Variants in USP31 observed in about 807,000 individuals in gnomAD.
The protein encoded by USP31 is ubiquitin carboxyl-terminal hydrolase 31.
A neutral mutation model predicts 119.4 loss-of-function variants in USP31; 44 were observed. That is an observed-to-expected ratio of 0.37 (90% CI 0.29 to 0.47). USP31 has a LOEUF of 0.47. Among genes scored for constraint, USP31 ranks in the 20% least tolerant of loss-of-function variants. The pLI is 0.99. For missense variants in USP31, 1,643 were observed against 1,730.2 expected, an observed-to-expected ratio of 0.95 and a Z score of 0.89; for synonymous variants, 749 against 705.6, an observed-to-expected ratio of 1.06 and a Z score of -0.97.
intron 1 of USP31, among the ~76,000 whole-genome samples, chr16:23,137,424 A>G (rs1903226508): frequency 6.6e-6 from 1 of 152,180 alleles, no homozygotes; most frequent in Admixed American, 6.5e-5. Flanking sequence ...TGATCTGAAA[A>G]AAGTGAAAAC....
At chr16:23,081,593 T>C (rs1030753131) in intron 12 of USP31, among the ~76,000 whole-genome samples, 1 of 152,226 alleles carries the variant, frequency 6.6e-6, no homozygotes, top group Non-Finnish European at 1.5e-5. Context: ...CTACACAATA[T>C]CCAGAATAAT....
intron 5 of USP31, among the ~76,000 whole-genome samples, chr16:23,102,878 G>A (rs983253536): frequency 1.3e-5 from 2 of 152,142 alleles, no homozygotes; most frequent in African/African-American, 4.8e-5. Context: ...TATATTGGAA[G>A]TACAATTATT....
chr16:23,094,212 T>G (rs1180598935), intron 6 of USP31, among the ~76,000 whole-genome samples: 1 of 152,054 alleles, frequency 6.6e-6, no homozygotes, highest in Non-Finnish European at 1.5e-5. Context: ...CCTGGCTCGG[T>G]GGGTCCCATG....
intron 1 of USP31, among the ~76,000 whole-genome samples, chr16:23,118,693 C>A (rs1200641353): frequency 6.6e-6 from 1 of 152,170 alleles, no homozygotes; most frequent in East Asian, 1.9e-4. Context: ...ATATTACTTC[C>A]CCAATACCTA....
chr16:23,081,264 G>C (rs1160044362), intron 12 of USP31, among the ~76,000 whole-genome samples: 1 of 152,170 alleles, frequency 6.6e-6, no homozygotes, highest in Non-Finnish European at 1.5e-5. Flanking sequence ...CTCTGTGTCT[G>C]GGGAAGGAGA....
intron 15 of USP31, among the ~76,000 whole-genome samples, chr16:23,071,658 G>A (rs1325503420): frequency 6.6e-6 from 1 of 151,610 alleles, no homozygotes; most frequent in East Asian, 1.9e-4. Context: ...TCCATGCCAA[G>A]CCTGGAGCCG....
chr16:23,089,572 C>T (rs1901260799), intron 7 of USP31, among the ~76,000 whole-genome samples: 1 of 152,256 alleles, frequency 6.6e-6, no homozygotes, highest in Non-Finnish European at 1.5e-5. Flanking sequence ...ATGTTATTTA[C>T]TATGCAGGGA....
At chr16:23,076,470 A>G (rs1174785298) in intron 13 of USP31, among the ~76,000 whole-genome samples, 2 of 152,134 alleles carry the variant, frequency 1.3e-5, no homozygotes, top group Non-Finnish European at 2.9e-5. Context: ...ATCCTGGGTA[A>G]TGGGTTCCTT....
chr16:23,097,870 T>C (rs2141862170), intron 6 of USP31, among the ~76,000 whole-genome samples: 2 of 152,326 alleles, frequency 1.3e-5, no homozygotes, highest in South Asian at 4.1e-4. Context: ...AATATCATAC[T>C]GAATGGGCAA....
Position 23,068,458 on chromosome 16 carries a change from T to G in USP31, c.3647A>C (p.Lys1216Thr). ...CTTGTCCTCAGACTTGCTGTCCCTC[T>G]TCAAACCAGACTTGATGCTTGTGCT... ...SPSTSIKSGL[K>T]RDSKSEDKGL... The change falls in exon 16 of 16, where the codon AAG (lysine) becomes ACG (threonine). Residue 1216 changes from lysine (K) to threonine (T), a missense_variant. By Grantham distance (78) the Lys-to-Thr change is moderately conservative. This residue lies in a region of USP31 where 699 missense variants were observed against 650.9 expected (regional missense o/e 1.07). Coordinates refer to ENST00000219689, the MANE Select transcript of USP31 (RefSeq NM_020718.4). 6.2e-7 allele frequency: 1 copy of G among 1,613,596 alleles called. No homozygotes were observed.
chr16:23,070,871 T>C (rs139066854), intron 15 of USP31, among the ~76,000 whole-genome samples: 1 of 152,342 alleles, frequency 6.6e-6, no homozygotes, highest in East Asian at 1.9e-4. Context: ...AAACAGGCTC[T>C]ATTCTGTGGG....
At position 23,063,970 on chromosome 16, in the gene USP31, G is replaced by A. The variant is rs1047574537; in HGVS notation, c.*4076C>T. On this transcript the variant is annotated 3_prime_UTR_variant, in exon 16 of 16. Coordinates refer to ENST00000219689, the MANE Select transcript of USP31 (RefSeq NM_020718.4). ...ATTTCTCCCCAAACCATGTAGTAGA[G>A]TTTAACAATAATGTACCCTTTATGA... 1 of 152,466 alleles carries A rather than the reference G, an allele frequency of 6.6e-6. No homozygotes were observed. The highest frequency in any genetic ancestry group is 1.5e-5 in the Non-Finnish European group (1 of 68,028). 9.4% of individuals were successfully genotyped at this position (152,466 alleles called of 1,614,324 possible).
intron 1 of USP31, among the ~76,000 whole-genome samples, chr16:23,133,995 T>C (rs548867547): frequency 6.6e-6 from 1 of 152,042 alleles, no homozygotes; most frequent in African/African-American, 2.4e-5. Flanking sequence ...AAGGACCACT[T>C]GAGCCTGGGA....
rs1900044787 is a variant in USP31, at chr16:23,065,847, T to C, written c.*2199A>G. The C allele has an allele frequency of 2.6e-5, 4 of 152,240 alleles. No homozygotes were observed. In the South Asian group the frequency reaches 8.3e-4, roughly 31 times the overall value. The allele number at this position is 152,240 out of a possible 1,614,324, so 9.4% of individuals were successfully genotyped here. ...AGTGTTATTAAAAACCTTTGTCTAA[T>C]CAAACTATAATTGTTTCAGAGATTC... On this transcript the variant is annotated 3_prime_UTR_variant, in exon 16 of 16. Transcript: ENST00000219689.
intron 1 of USP31, among the ~76,000 whole-genome samples, chr16:23,128,869 T>C (rs1902945578): frequency 6.6e-6 from 1 of 152,188 alleles, no homozygotes; most frequent in Non-Finnish European, 1.5e-5. Flanking sequence ...AGGAAATACA[T>C]GGACAGAGGA....
At chr16:23,086,013 C>CGGTA (rs1488948154) in intron 9 of USP31, among the ~76,000 whole-genome samples, 2 of 152,148 alleles carry the variant, frequency 1.3e-5, no homozygotes, top group Non-Finnish European at 2.9e-5. Context: ...AGACACTGGA[C>CGGTA]GGTAGTCCCC....
At chr16:23,093,184 T>C (rs1901445970) in intron 6 of USP31, among the ~76,000 whole-genome samples, 1 of 151,904 alleles carries the variant, frequency 6.6e-6, no homozygotes, top group Non-Finnish European at 1.5e-5. Context: ...ACAGACTTCA[T>C]CAAAATGAAG....
At chr16:23,105,079 C>T (rs898517139) in intron 5 of USP31, among the ~76,000 whole-genome samples, 2 of 152,182 alleles carry the variant, frequency 1.3e-5, no homozygotes, top group African/African-American at 4.8e-5. Flanking sequence ...CGTCACTGCT[C>T]AAGTTTTCAA....
chr16:23,066,204 C>G lies in USP31; in HGVS notation c.*1842G>C, dbSNP rs1316137889. 3 of 152,492 alleles carry G rather than the reference C, an allele frequency of 2.0e-5. No individual in the cohort carries two copies. The highest frequency in any genetic ancestry group is 4.4e-5 in the Non-Finnish European group (3 of 68,036). 9.4% of individuals were successfully genotyped at this position (152,492 alleles called of 1,614,324 possible). A position where few individuals can be genotyped will look rare whatever the true frequency, so the allele number is the denominator to read the frequency against. On this transcript the variant is annotated 3_prime_UTR_variant, in exon 16 of 16. Coordinates refer to ENST00000219689, the MANE Select transcript of USP31 (RefSeq NM_020718.4). ...GGCTGAGTGCAATGGACAACAGGCT[C>G]ACAGTCAATGAATCACATGGAGCAC...
Sources: gnomAD v4.1 joint callset for allele counts (sites outside exome capture counted in the v4.1 genomes callset) on GRCh38, gnomAD v4.1.1 for gene constraint, gnomAD v4.1.1 regional missense constraint, MANE v1.5 for transcripts, NCBI Gene and HGNC (gene_info 2026-07-23, HGNC 2026-07-21) for gene names.